Variants in CXADR observed in about 807,000 individuals in gnomAD.
The protein encoded by CXADR is CXADR cell adhesion molecule, also known as coxsackievirus and adenovirus receptor.
A neutral mutation model predicts 40.3 loss-of-function variants in CXADR; 20 were observed. That is an observed-to-expected ratio of 0.50 (90% CI 0.35 to 0.72). The LOEUF is 0.72. CXADR is among the 30% of genes least tolerant of loss of function. The probability of loss-of-function intolerance (pLI) is 0.01; values close to 1 mark genes in which losing one functional copy is unlikely to be tolerated. For synonymous variants in CXADR, 150 were observed against 161.3 expected (o/e 0.93, Z 0.53); for missense variants, 332 against 449.1 (o/e 0.74, Z 2.36).
chr21:17,614,930 T>C, the CXADR span, among the ~76,000 whole-genome samples: 1 of 152,124 alleles, frequency 6.6e-6, no homozygotes. Flanking sequence ...TCCTTGTGAG[T>C]TGGAATCACA....
At chr21:17,597,460 A>C (rs1308900247), downstream of CXADR, among the ~76,000 whole-genome samples, 1 of 151,960 alleles carries the variant, frequency 6.6e-6, no homozygotes, top group Non-Finnish European at 1.5e-5. Flanking sequence ...ATGTTTACTT[A>C]TTTATATAGG....
intron 3 of CXADR, among the ~76,000 whole-genome samples, chr21:17,553,614 C>CT (rs10710377): frequency 0.014 from 1,830 of 128,242 alleles, 43 homozygotes; most frequent in African/African-American, 0.044. Flanking sequence ...GGTCCGAATT[C>CT]TTTTTTTTTT....
chr21:17,618,157 G>A, the CXADR span, among the ~76,000 whole-genome samples: 7 of 152,200 alleles, frequency 4.6e-5, no homozygotes, highest in African/African-American at 9.7e-5. Flanking sequence ...AGTAAGCCTT[G>A]ATCGCAGCAC....
chr21:17,555,632 TCTC>T (rs148291127), intron 3 of CXADR, among the ~76,000 whole-genome samples: 16,862 of 152,120 alleles, frequency 0.11, 975 homozygotes, highest in Middle Eastern at 0.15. Flanking sequence ...ATCTCCTTAA[TCTC>T]CTCCAGTCAC....
the CXADR span, among the ~76,000 whole-genome samples, chr21:17,608,227 G>C: frequency 1.3e-5 from 2 of 152,150 alleles, no homozygotes; most frequent in Non-Finnish European, 2.9e-5. Context: ...TTTTAAATTA[G>C]CCTGGTGTGT....
the CXADR span, among the ~76,000 whole-genome samples, chr21:17,633,775 C>A: frequency 6.6e-6 from 1 of 152,130 alleles, no homozygotes; most frequent in Admixed American, 6.5e-5. Flanking sequence ...ATTCATCTCC[C>A]CTAAAAATTA....
At chr21:17,600,384 CTAAG>C in the CXADR span, among the ~76,000 whole-genome samples, 1 of 152,140 alleles carries the variant, frequency 6.6e-6, no homozygotes, top group Non-Finnish European at 1.5e-5. Flanking sequence ...ATAAGTAACT[CTAAG>C]TAGAAATAAT....
downstream of CXADR, among the ~76,000 whole-genome samples, chr21:17,596,159 C>A (rs144054865): frequency 6.6e-6 from 1 of 151,552 alleles, no homozygotes; most frequent in Non-Finnish European, 1.5e-5. Context: ...GATTTGTGAG[C>A]GATTTTAAAA....
intron 2 of CXADR, among the ~76,000 whole-genome samples, chr21:17,550,268 C>T (rs983011878): frequency 2.6e-5 from 4 of 151,120 alleles, no homozygotes; most frequent in African/African-American, 4.9e-5. Context: ...GCAGGAGAAT[C>T]GCTTTAACCC....
chr21:17,521,620 G>A (rs1051857094), intron 1 of CXADR, among the ~76,000 whole-genome samples: 5 of 152,178 alleles, frequency 3.3e-5, no homozygotes, highest in African/African-American at 9.7e-5. Flanking sequence ...ACCGCACCTG[G>A]CCAGGCTCCA....
intron 7 of CXADR, among the ~76,000 whole-genome samples, chr21:17,584,838 C>A (rs1297339181): frequency 6.6e-5 from 10 of 152,100 alleles, no homozygotes; most frequent in Non-Finnish European, 1.2e-4. Flanking sequence ...AACAAACAAA[C>A]AAACAAAAAC....
chr21:17,546,280 G>C (rs2060895762), intron 1 of CXADR, among the ~76,000 whole-genome samples: 1 of 152,176 alleles, frequency 6.6e-6, no homozygotes, highest in South Asian at 2.1e-4. Context: ...TTAGTTCCCT[G>C]TGTGTTTGTG....
intron 7 of CXADR, among the ~76,000 whole-genome samples, chr21:17,591,286 G>A (rs1210813549): frequency 6.6e-6 from 1 of 151,964 alleles, no homozygotes; most frequent in Non-Finnish European, 1.5e-5. Flanking sequence ...CATACCCCCT[G>A]AGGCTGTGAT....
chr21:17,519,880 A>G (rs1181035605), intron 1 of CXADR, among the ~76,000 whole-genome samples: 1 of 152,076 alleles, frequency 6.6e-6, no homozygotes, highest in East Asian at 1.9e-4. Flanking sequence ...AATTGCTTGA[A>G]GCTGGGAGGC....
At chr21:17,588,464 G>A (rs1418946837) in intron 7 of CXADR, among the ~76,000 whole-genome samples, 1 of 152,146 alleles carries the variant, frequency 6.6e-6, no homozygotes, top group African/African-American at 2.4e-5. Flanking sequence ...CTTGTAGGTT[G>A]GATTCGTAGG....
At chr21:17,594,186 T>A (rs111268387), downstream of CXADR, 29 of 1,613,292 alleles carry the variant, frequency 1.8e-5, 1 homozygote, top group African/African-American at 1.9e-4. Context: ...TTGGGCGATA[T>A]GGTTTATTTT....
intron 1 of CXADR, among the ~76,000 whole-genome samples, chr21:17,525,837 A>G (rs541021136): frequency 1.3e-5 from 2 of 152,358 alleles, no homozygotes; most frequent in East Asian, 3.9e-4. Flanking sequence ...CAAGTCCTAA[A>G]GCCCAGGCAA....
chr21:17,561,272 C>T (rs1288686864), intron 5 of CXADR, 66 bp from the exon 6 acceptor site: 3 of 895,530 alleles, frequency 3.3e-6, no homozygotes, highest in Non-Finnish European at 3.2e-6. Context: ...AAATGTATAG[C>T]CTACCTTCAG....
At chr21:17,545,989 G>T (rs536634452) in intron 1 of CXADR, among the ~76,000 whole-genome samples, 2 of 152,220 alleles carry the variant, frequency 1.3e-5, no homozygotes, top group East Asian at 3.9e-4. Flanking sequence ...ATGTTGGTCA[G>T]GCTGGTCTCG....
Sources: gnomAD v4.1 joint callset for allele counts (sites outside exome capture counted in the v4.1 genomes callset) on GRCh38, gnomAD v4.1.1 for gene constraint, MANE v1.5 for transcripts, NCBI Gene and HGNC (gene_info 2026-07-23, HGNC 2026-07-21) for gene names.